Variants in INTS8 observed in about 807,000 individuals in gnomAD.
INTS8 encodes the protein integrator complex subunit 8, also known as protein kaonashi-1.
INTS8 carries 47 observed loss-of-function variants against 138.9 expected under a neutral mutation model. The ratio of observed to expected loss-of-function variants is 0.34; its 90% confidence interval spans 0.27 to 0.43. The LOEUF is 0.43. Ranked by LOEUF, INTS8 falls within the 20% of genes least tolerant of loss-of-function variation. The probability of loss-of-function intolerance (pLI) is 1.00; values close to 1 mark genes in which losing one functional copy is unlikely to be tolerated. For synonymous variants in INTS8, 392 were observed against 400.9 expected (o/e 0.98, Z 0.27); for missense variants, 996 against 1,173.0 (o/e 0.85, Z 2.20).
At chr8:94,844,514 G>A (rs1815259798) in intron 10 of INTS8, among the ~76,000 whole-genome samples, 1 of 151,888 alleles carries the variant, frequency 6.6e-6, no homozygotes, top group Admixed American at 6.6e-5. Context: ...ACGGGGTTTT[G>A]CCATTTTGGC....
At chr8:94,856,472 T>C (rs1815749277) in intron 14 of INTS8, among the ~76,000 whole-genome samples, 1 of 152,230 alleles carries the variant, frequency 6.6e-6, no homozygotes, top group South Asian at 2.1e-4. Context: ...GGAGGGTGCT[T>C]GTTATAGAAT....
At chr8:94,863,130 A>T (rs991392753) in intron 16 of INTS8, among the ~76,000 whole-genome samples, 2 of 152,202 alleles carry the variant, frequency 1.3e-5, no homozygotes, top group Non-Finnish European at 2.9e-5. Flanking sequence ...CACAGGTTAT[A>T]GGCACTTGGA....
chr8:94,847,857 T>G (rs1815386493), intron 10 of INTS8, among the ~76,000 whole-genome samples: 2 of 152,194 alleles, frequency 1.3e-5, no homozygotes, highest in African/African-American at 4.8e-5. Flanking sequence ...AGATATTTAT[T>G]ACTCACCATA....
Position 94,876,299 on chromosome 8 carries a change from CAT to C in INTS8, c.2827+15_2827+16del, listed in dbSNP as rs781360025. On this transcript the variant is annotated intron_variant, in intron 25 of 26. Coordinates refer to ENST00000523731, the MANE Select transcript of INTS8 (RefSeq NM_017864.4). ...AATACTTGACTTGTATCCTTTCATC[CAT>C]GTGTGTGATGTTAGAATGATCCATT... 2.5e-6 allele frequency: 4 copies of C among 1,589,832 alleles called. No homozygotes were observed. The highest frequency in any genetic ancestry group is 2.7e-5 in the African/African-American group (2 of 74,554).
chr8:94,849,394 C>T, intron 10 of INTS8, 68 bp from the exon 11 acceptor site: 4 of 836,816 alleles, frequency 4.8e-6, no homozygotes, highest in Middle Eastern at 2.4e-4. Context: ...TTAAATCCAG[C>T]CTTTTCAAAT....
At chr8:94,853,734 T>G in intron 13 of INTS8, 71 bp from the exon 14 acceptor site, 1 of 817,482 alleles carries the variant, frequency 1.2e-6, no homozygotes, top group South Asian at 1.6e-5. Flanking sequence ...TTGAAGATTG[T>G]TGAAAGATTC....
chr8:94,845,808 C>G (rs1815313487), intron 10 of INTS8, among the ~76,000 whole-genome samples: 2 of 152,140 alleles, frequency 1.3e-5, no homozygotes, highest in African/African-American at 4.8e-5. Context: ...TTGTCAAGTT[C>G]CACAAATCTG....
intron 10 of INTS8, among the ~76,000 whole-genome samples, chr8:94,844,907 C>G (rs1397661825): frequency 6.6e-6 from 1 of 152,004 alleles, no homozygotes; most frequent in Admixed American, 6.6e-5. Context: ...CATGTGCCAC[C>G]ACGCCTGGCT....
intron 26 of INTS8, among the ~76,000 whole-genome samples, chr8:94,879,376 C>G (rs1226836495): frequency 6.6e-6 from 1 of 152,106 alleles, no homozygotes; most frequent in African/African-American, 2.4e-5. Flanking sequence ...GGCGGATCAC[C>G]TGAGGTCAGG....
In INTS8 at chr8:94,880,748, C is replaced by T. The variant is rs1243670359; in HGVS notation, c.*514C>T. 2.5e-6 allele frequency: 1 copy of T among 396,700 alleles called. No homozygotes were observed. Among genetic ancestry groups the T allele is most frequent in the Non-Finnish European group, 4.4e-6 (1 of 225,270 alleles). The allele number at this position is 396,700 out of a possible 1,614,324, so 24.6% of individuals were successfully genotyped here. On this transcript the variant is annotated 3_prime_UTR_variant, in exon 27 of 27. Transcript: ENST00000523731. ...ACAGTTTCACAAACATAAATAAAGCCTTAGTCACACTAAATTAAAAAAAAA... is the reference window on the plus strand; with the variant it reads ...ACAGTTTCACAAACATAAATAAAGCTTTAGTCACACTAAATTAAAAAAAAA...
chr8:94,845,187 T>C (rs924080051), intron 10 of INTS8, among the ~76,000 whole-genome samples: 1 of 100,980 alleles, frequency 9.9e-6, no homozygotes, highest in Admixed American at 8.4e-5. Context: ...CTTCTATTAT[T>C]ATCTTCTAAA....
intron 10 of INTS8, among the ~76,000 whole-genome samples, chr8:94,847,438 G>T (rs1167001238): frequency 1.3e-5 from 2 of 151,994 alleles, no homozygotes; most frequent in African/African-American, 2.4e-5. Flanking sequence ...CTTTTTTATT[G>T]TCTGGAAAAG....
intron 8 of INTS8, among the ~76,000 whole-genome samples, chr8:94,840,135 T>C (rs1333889680): frequency 6.6e-6 from 1 of 152,250 alleles, no homozygotes; most frequent in Non-Finnish European, 1.5e-5. Context: ...TTTCTTCGAA[T>C]GGCATTGTGT....
At chr8:94,853,212 C>T (rs974231435) in intron 13 of INTS8, among the ~76,000 whole-genome samples, 5 of 151,818 alleles carry the variant, frequency 3.3e-5, no homozygotes, top group East Asian at 3.9e-4. Context: ...CTTGAGAGGC[C>T]GAGGCAGGAG....
Position 94,828,566 on chromosome 8 carries a change from A to G in INTS8, c.519-409A>G, listed in dbSNP as rs903349146. ...TGGCAGCCTAGCCAAATTTGGAGCT[A>G]GAAAGCATAGTTTCTAACTTGATAC... On this transcript the variant is annotated intron_variant, in intron 4 of 26. Coordinates refer to ENST00000523731, the MANE Select transcript of INTS8 (RefSeq NM_017864.4). Among the ~76,000 whole-genome samples, 9 of 152,326 alleles carry G rather than the reference A, an allele frequency of 5.9e-5. No homozygotes were observed. In the East Asian group the frequency reaches 1.5e-3, roughly 26 times the overall value.
intron 10 of INTS8, among the ~76,000 whole-genome samples, chr8:94,847,445 A>G (rs891058987): frequency 9.9e-5 from 15 of 152,108 alleles, no homozygotes; most frequent in Non-Finnish European, 1.8e-4. Context: ...ATTGTCTGGA[A>G]AAGTTTGTGT....
At position 94,832,068 on chromosome 8, in the gene INTS8, C is replaced by A. The variant is rs771133747; in HGVS notation, c.647C>A (p.Thr216Lys). 19 of 1,613,340 alleles carry A rather than the reference C, an allele frequency of 1.2e-5. No individual in the cohort carries two copies. Among genetic ancestry groups the A allele is most frequent in the Non-Finnish European group, 1.5e-5 (18 of 1,179,550 alleles). Residue 216 changes from threonine (T) to lysine (K), a missense_variant, in exon 6 of 27, where the codon ACG becomes AAG. Transcript: ENST00000523731. ...TTAAACAAGGATCTTTATGTCCATACGATGAGAACTCTAGATTTATTGGCC... is the reference window on the plus strand; with the variant it reads ...TTAAACAAGGATCTTTATGTCCATAAGATGAGAACTCTAGATTTATTGGCC... The part of the protein sequence containing the change: ...LKLNKDLYVH[T>K]MRTLDLLAME...
intron 16 of INTS8, among the ~76,000 whole-genome samples, chr8:94,861,301 G>A (rs903022493): frequency 5.7e-5 from 5 of 88,412 alleles, no homozygotes; most frequent in East Asian, 3.9e-4. Flanking sequence ...TCGCTCTGTC[G>A]CCCAGGCTGG....
At chr8:94,879,453 G>A (rs1816703571) in intron 26 of INTS8, among the ~76,000 whole-genome samples, 1 of 151,838 alleles carries the variant, frequency 6.6e-6, no homozygotes, top group Admixed American at 6.6e-5. Flanking sequence ...AAATTAGACG[G>A]ACGAGATGGC....
Sources: gnomAD v4.1 joint callset for allele counts (sites outside exome capture counted in the v4.1 genomes callset) on GRCh38, gnomAD v4.1.1 for gene constraint, MANE v1.5 for transcripts, NCBI Gene and HGNC (gene_info 2026-07-23, HGNC 2026-07-21) for gene names.